SLC9A1: variants seen among roughly 807,000 people sequenced by gnomAD.
SLC9A1 encodes the protein sodium/hydrogen exchanger 1.
Under a neutral mutation model 67.9 loss-of-function variants are expected in SLC9A1, and 22 were observed. The observed-to-expected ratio is 0.32, with a 90% CI of 0.23 to 0.46. The LOEUF is 0.46. SLC9A1 is among the 20% of genes least tolerant of loss of function. SLC9A1 has a pLI of 1.00. For synonymous variants in SLC9A1, 421 were observed against 471.8 expected, an observed-to-expected ratio of 0.89 and a Z score of 1.40; for missense variants, 686 against 1,094.8, an observed-to-expected ratio of 0.63 and a Z score of 5.27.
chr1:27,108,859 C>T (rs894913700), intron 3 of SLC9A1, among the ~76,000 whole-genome samples: 1 of 152,186 alleles, frequency 6.6e-6, no homozygotes, highest in Non-Finnish European at 1.5e-5. Context: ...CTCCTGGGTT[C>T]ATTCCCCTCA....
chr1:27,111,938 C>CTGTT, intron 2 of SLC9A1, among the ~76,000 whole-genome samples: 1 of 152,238 alleles, frequency 6.6e-6, no homozygotes, highest in Non-Finnish European at 1.5e-5. Context: ...ATGGCTGGGT[C>CTGTT]TGTTACCTGC....
intron 1 of SLC9A1, among the ~76,000 whole-genome samples, chr1:27,132,691 G>A (rs2083394071): frequency 6.6e-6 from 1 of 152,162 alleles, no homozygotes; most frequent in South Asian, 2.1e-4. Flanking sequence ...TCTCATCACT[G>A]TTCACTGCCA....
intron 2 of SLC9A1, among the ~76,000 whole-genome samples, chr1:27,112,434 G>T (rs990546174): frequency 3.9e-5 from 6 of 152,338 alleles, no homozygotes; most frequent in Admixed American, 3.9e-4. Flanking sequence ...TCAGGAGGGG[G>T]TGGGAGTGTT....
At position 27,114,118 on chromosome 1, in the gene SLC9A1, C is replaced by T. The variant is rs1266667044; in HGVS notation, c.521G>A (p.Gly174Asp). The part of the protein sequence containing the change: ...FLLPPIILDA[G>D]YFLPLRQFTE... ...GAACTGCCGCAGTGGCAGGAAGTAG[C>T]CCGCATCCAGGATGATGGGCGGCAG... The change falls in exon 2 of 12, where the codon GGC becomes GAC. Residue 174 changes from glycine (G) to aspartate (D), a missense_variant. Coordinates refer to ENST00000263980, the MANE Select transcript of SLC9A1 (RefSeq NM_003047.5). This position sits in a 1 kb window ranked among gnomAD's most constrained non-coding sequence, Gnocchi z 5.4. The T allele has an allele frequency of 6.2e-7, 1 of 1,614,176 alleles. No individual in the cohort carries two copies. Among genetic ancestry groups the T allele is most frequent in the Non-Finnish European group, 8.5e-7 (1 of 1,180,038 alleles).
chr1:27,125,799 G>T (rs368695118), intron 1 of SLC9A1, among the ~76,000 whole-genome samples: 85 of 151,920 alleles, frequency 5.6e-4, no homozygotes, highest in African/African-American at 1.9e-3. Flanking sequence ...CACCATGTTG[G>T]CCAGGGTGGT....
intron 1 of SLC9A1, among the ~76,000 whole-genome samples, chr1:27,134,723 A>G (rs574843572): frequency 6.6e-6 from 1 of 152,336 alleles, no homozygotes; most frequent in African/African-American, 2.4e-5. Context: ...GTTAAGCTGC[A>G]AAAGAGTACA....
rs2083552148 is a variant in SLC9A1 at position 27,154,376 on chromosome 1, A to G, written c.-42T>C. On this transcript the variant is annotated 5_prime_UTR_variant, in exon 1 of 12. Transcript: ENST00000263980. ...CCAGCCTCGACCTTACCCAAATGAG[A>G]GTAAAACCGGGCACATAGGTAGCAA... 1.5e-6 allele frequency: 2 copies of G among 1,377,472 alleles called. No individual in the cohort carries two copies. The highest frequency in any genetic ancestry group is 2.0e-6 in the Non-Finnish European group (2 of 1,008,348). The allele number at this position is 1,377,472 out of a possible 1,614,324, so 85.3% of individuals were successfully genotyped here.
At chr1:27,125,237 C>CTTTTTTTT (rs71010327) in intron 1 of SLC9A1, among the ~76,000 whole-genome samples, 6 of 86,888 alleles carry the variant, frequency 6.9e-5, no homozygotes, top group African/African-American at 1.9e-4. Flanking sequence ...CCTTTTCTTT[C>CTTTTTTTT]TTTTTTTTTT....
intron 2 of SLC9A1, among the ~76,000 whole-genome samples, chr1:27,110,119 TATAAAATGAGGATA>T (rs1324007759): frequency 6.6e-6 from 1 of 152,200 alleles, no homozygotes; most frequent in African/African-American, 2.4e-5. Flanking sequence ...TTTTCCTGTC[TATAAAATGAGGATA>T]ATAATACCAA....
rs1467569903 is a variant in SLC9A1 at position 27,114,189 on chromosome 1, G to A, written c.450C>T (p.Gly150=). 15 of 1,613,932 alleles carry A rather than the reference G, an allele frequency of 9.3e-6. No individual in the cohort carries two copies. The highest frequency in any genetic ancestry group is 8.9e-5 in the East Asian group (4 of 44,892). ...LLVGGLIKGV[G]ETPPFLQSDV... is the part of the protein sequence containing the mutation. ...CGGACTGCAGGAAGGGGGGTGTCTC[G>A]CCTACACCCTTGATCAGGCCCCCCA... Residue 150 remains glycine, a synonymous_variant, in exon 2 of 12, where the codon GGC becomes GGT. Coordinates refer to ENST00000263980, the MANE Select transcript of SLC9A1 (RefSeq NM_003047.5). This position sits in a 1 kb window ranked among gnomAD's most constrained non-coding sequence, Gnocchi z 5.4.
At chr1:27,116,673 T>C (rs1230054973) in intron 1 of SLC9A1, among the ~76,000 whole-genome samples, 1 of 152,190 alleles carries the variant, frequency 6.6e-6, no homozygotes, top group Admixed American at 6.5e-5. Context: ...CAACATCCAG[T>C]GTGTAGCTGG....
Position 27,109,880 on chromosome 1 carries a change from C to CTCTTCTTGTGG in SLC9A1, c.814-104_814-103insCCACAAGAAGA. 7.3e-7 allele frequency: 1 copy of CTCTTCTTGTGG among 1,360,622 alleles called. No homozygotes were observed. The highest frequency in any genetic ancestry group is 1.0e-6 in the Non-Finnish European group (1 of 979,848). 84.3% of individuals were successfully genotyped at this position (1,360,622 alleles called of 1,614,324 possible). On this transcript the variant is annotated intron_variant, in intron 2 of 11. Transcript: ENST00000263980. This position sits in a 1 kb window ranked among gnomAD's most constrained non-coding sequence, Gnocchi z 5.5. ...TCCTGTCCCCTCCGTTAACCATGGC[C>CTCTTCTTGTGG]ACAAGAAGAGGCCACACGGTAGCAG...
At chr1:27,113,802 G>A (rs781252560) in intron 2 of SLC9A1, 24 bp downstream of exon 2, 2 of 1,575,572 alleles carry the variant, frequency 1.3e-6, no homozygotes, top group South Asian at 2.3e-5. Context: ...GTTTGGACAT[G>A]GGCATGGCCC....
rs2083282900 is a variant in SLC9A1, at chr1:27,118,020, C to T, written c.353-3734G>A. 1.3e-5 allele frequency among the ~76,000 whole-genome samples: 2 copies of T among 152,130 alleles called. No individual in the cohort carries two copies. Among genetic ancestry groups the T allele is most frequent in the Admixed American group, 6.5e-5 (1 of 15,280 alleles). ...GCATTCCTATTGAACACAAGAAAAA[C>T]GAGCTCTGAGAGGAGGCTGCATGCA... On this transcript the variant is annotated intron_variant, in intron 1 of 11. Transcript: ENST00000263980. The surrounding 1 kb of genome is among the most constrained non-coding windows in gnomAD (Gnocchi z 4.3).
rs771275059 is a variant in SLC9A1, at chr1:27,114,219, C to G, written c.420G>C (p.Leu140=). Reference sequence around the variant, plus strand: ...CACCCTTGATCAGGCCCCCCACCAGCAGCCCCACCACGATCAGCAGGCAGC... The same window carrying G: ...CACCCTTGATCAGGCCCCCCACCAGGAGCCCCACCACGATCAGCAGGCAGC... ...PESCLLIVVG[L]LVGGLIKGVG... The change falls in exon 2 of 12, where the codon CTG becomes CTC. Residue 140 remains leucine (L), a synonymous_variant. Coordinates refer to ENST00000263980, the MANE Select transcript of SLC9A1 (RefSeq NM_003047.5). The surrounding 1 kb of genome is among the most constrained non-coding windows in gnomAD (Gnocchi z 5.4). The G allele has an allele frequency of 6.2e-7, 1 of 1,614,054 alleles. No individual in the cohort carries two copies. The highest frequency in any genetic ancestry group is 1.1e-5 in the South Asian group (1 of 91,090).
Position 27,107,817 on chromosome 1 carries a change from G to C in SLC9A1, c.1113C>G (p.Ile371Met). The C allele has an allele frequency of 6.2e-7, 1 of 1,609,946 alleles. No individual in the cohort carries two copies. Among genetic ancestry groups the C allele is most frequent in the Non-Finnish European group, 8.5e-7 (1 of 1,178,758 alleles). ...VVMRPYVEAN[I>M]SHKSHTTIKY... ...TGATGGTGGTGTGGGACTTGTGGGA[G>C]ATGTTGGCCTCCACATAGGGGCGCA... Residue 371 changes from isoleucine to methionine, a missense_variant, in exon 4 of 12, where the codon ATC (isoleucine) becomes ATG (methionine). This residue lies in a region of SLC9A1 where 168 missense variants were observed against 375.4 expected (regional missense o/e 0.45). Transcript: ENST00000263980.
At chr1:27,122,461 C>A (rs970676396) in intron 1 of SLC9A1, among the ~76,000 whole-genome samples, 1 of 152,176 alleles carries the variant, frequency 6.6e-6, no homozygotes, top group Non-Finnish European at 1.5e-5. Context: ...TGCAGCCAGC[C>A]TGGAAATGAG....
intron 3 of SLC9A1, among the ~76,000 whole-genome samples, chr1:27,108,119 A>T (rs1339125772): frequency 7.3e-6 from 1 of 137,240 alleles, no homozygotes; most frequent in African/African-American, 2.8e-5. Context: ...CAGGCTGGAG[A>T]GCAGTGGCGC....
At chr1:27,149,372 G>A (rs2083511611) in intron 1 of SLC9A1, among the ~76,000 whole-genome samples, 1 of 152,198 alleles carries the variant, frequency 6.6e-6, no homozygotes, top group African/African-American at 2.4e-5. Flanking sequence ...AACAGAGACA[G>A]CTTTTATCTC....
Sources: gnomAD v4.1 joint callset for allele counts (sites outside exome capture counted in the v4.1 genomes callset) on GRCh38, gnomAD v4.1.1 for gene constraint, gnomAD v4.1.1 regional missense constraint, Gnocchi (gnomAD v3.1) non-coding constraint, MANE v1.5 for transcripts, NCBI Gene and HGNC (gene_info 2026-07-23, HGNC 2026-07-21) for gene names.